Variants in IL1RAPL1 observed in about 807,000 individuals in gnomAD.
The protein encoded by IL1RAPL1 is interleukin-1 receptor accessory protein-like 1.
IL1RAPL1 carries 3 observed loss-of-function variants against 48.4 expected under a neutral mutation model. The observed-to-expected ratio is 0.06, with a 90% CI of 0.03 to 0.16. The LOEUF (loss-of-function observed/expected upper bound fraction) is 0.16. Ranked by LOEUF, IL1RAPL1 falls within the 10% of genes least tolerant of loss-of-function variation. The pLI, the probability that IL1RAPL1 is intolerant of heterozygous loss-of-function variation, is 1.00. For missense variants in IL1RAPL1, 349 were observed against 530.6 expected (o/e 0.66, Z 3.36); for synonymous variants, 185 against 187.7 (o/e 0.99, Z 0.12).
intron 6 of IL1RAPL1, among the ~76,000 whole-genome samples, chrX:29,699,378 G>A (rs767268299): frequency 3.7e-4 from 42 of 112,479 alleles, no homozygotes; most frequent in Middle Eastern, 4.6e-3. Flanking sequence ...AACACGTGTG[G>A]TTATAAGAAT....
At chrX:29,530,540 C>T (rs923234225) in intron 5 of IL1RAPL1, among the ~76,000 whole-genome samples, 1 of 111,933 alleles carries the variant, frequency 8.9e-6, no homozygotes, top group Non-Finnish European at 1.9e-5. Flanking sequence ...CCCCATCGGT[C>T]ATTGACTGAG....
At chrX:29,454,748 A>G (rs1934719346) in intron 5 of IL1RAPL1, among the ~76,000 whole-genome samples, 1 of 110,753 alleles carries the variant, frequency 9.0e-6, no homozygotes, top group African/African-American at 3.3e-5. Context: ...TACACCACCA[A>G]TGAGAGATGC....
intron 3 of IL1RAPL1, among the ~76,000 whole-genome samples, chrX:29,319,524 A>G (rs918630063): frequency 4.5e-5 from 3 of 66,025 alleles, no homozygotes; most frequent in African/African-American, 1.4e-4. Context: ...TTTTGTATGT[A>G]TGTATGTATG....
intron 2 of IL1RAPL1, among the ~76,000 whole-genome samples, chrX:28,887,253 G>T (rs1922657067): frequency 9.0e-6 from 1 of 111,359 alleles, no homozygotes; most frequent in Non-Finnish European, 1.9e-5. Context: ...TCCTCCTTCC[G>T]CCATGTGAGA....
intron 1 of IL1RAPL1, among the ~76,000 whole-genome samples, chrX:28,664,939 G>T (rs747670114): frequency 2.0e-5 from 1 of 49,064 alleles, no homozygotes; most frequent in African/African-American, 5.4e-5. Context: ...AATTGTTTTT[G>T]TTCATGTAGG....
chrX:29,033,833 A>G (rs2147411397), intron 2 of IL1RAPL1, among the ~76,000 whole-genome samples: 1 of 110,637 alleles, frequency 9.0e-6, no homozygotes, highest in African/African-American at 3.3e-5. Context: ...GTTTTGTGCA[A>G]AAGTTAGGTG....
chrX:29,137,336 C>A (rs998453188), intron 2 of IL1RAPL1, among the ~76,000 whole-genome samples: 2 of 111,253 alleles, frequency 1.8e-5, no homozygotes, highest in African/African-American at 6.5e-5. Flanking sequence ...TTCTCCTCTT[C>A]ACAGATATTG....
intron 2 of IL1RAPL1, among the ~76,000 whole-genome samples, chrX:29,020,512 T>C (rs1322704592): frequency 8.9e-6 from 1 of 112,265 alleles, no homozygotes; most frequent in African/African-American, 3.2e-5. Context: ...CCCTGTCGCA[T>C]TGTGTAAGTA....
intron 2 of IL1RAPL1, among the ~76,000 whole-genome samples, chrX:28,798,170 C>G (rs111394642): frequency 1.8e-5 from 2 of 111,161 alleles, no homozygotes; most frequent in Non-Finnish European, 3.8e-5. Context: ...GGTGGGGACA[C>G]AGCCAAACCA....
chrX:28,974,716 C>T (rs1282065576), intron 2 of IL1RAPL1, among the ~76,000 whole-genome samples: 1 of 111,851 alleles, frequency 8.9e-6, no homozygotes. Flanking sequence ...TTGATCTACG[C>T]CATTTGGCTC....
chrX:28,786,915 T>C (rs1161636655), intron 1 of IL1RAPL1, among the ~76,000 whole-genome samples: 1 of 112,192 alleles, frequency 8.9e-6, no homozygotes, highest in East Asian at 2.8e-4. Flanking sequence ...ATAGCAAAAC[T>C]TGGATGTCTA....
intron 5 of IL1RAPL1, among the ~76,000 whole-genome samples, chrX:29,613,730 T>C (rs1459140311): frequency 6.2e-5 from 6 of 96,377 alleles, no homozygotes; most frequent in African/African-American, 3.9e-5. Flanking sequence ...TGTGTGTGTG[T>C]GTGTGTGTGT....
intron 6 of IL1RAPL1, among the ~76,000 whole-genome samples, 174 bp from the exon 7 acceptor site, chrX:29,917,290 C>G: frequency 8.9e-6 from 1 of 112,328 alleles, no homozygotes; most frequent in East Asian, 2.8e-4. Context: ...GCCATGTTGT[C>G]GAAAGCACAC....
intron 3 of IL1RAPL1, among the ~76,000 whole-genome samples, chrX:29,342,928 G>A (rs1237468616): frequency 8.9e-6 from 1 of 111,827 alleles, no homozygotes; most frequent in Non-Finnish European, 1.9e-5. Flanking sequence ...TGTTAACAGC[G>A]AATGAAGCCG....
intron 1 of IL1RAPL1, among the ~76,000 whole-genome samples, chrX:28,666,736 A>G (rs192248191): frequency 1.8e-5 from 2 of 112,163 alleles, no homozygotes; most frequent in Admixed American, 9.5e-5. Flanking sequence ...AAAGCTTTCT[A>G]TCAAGTAGAT....
At chrX:29,622,016 G>A (rs1924476651) in intron 5 of IL1RAPL1, among the ~76,000 whole-genome samples, 2 of 112,041 alleles carry the variant, frequency 1.8e-5, no homozygotes, top group Admixed American at 1.9e-4. Flanking sequence ...TTCAATATTT[G>A]TCTTTCTGTG....
At chrX:28,625,450 C>T (rs186092226) in intron 1 of IL1RAPL1, among the ~76,000 whole-genome samples, 5 of 112,101 alleles carry the variant, frequency 4.5e-5, no homozygotes, top group Non-Finnish European at 9.4e-5. Flanking sequence ...AGGCCTCCTG[C>T]TCACAGAACT....
chrX:29,445,569 T>G (rs192235471), intron 5 of IL1RAPL1, among the ~76,000 whole-genome samples: 14 of 112,255 alleles, frequency 1.2e-4, no homozygotes, highest in African/African-American at 4.5e-4. Flanking sequence ...AATGTCCTTA[T>G]TTTTAAACAT....
chrX:29,772,374 T>G (rs189858123), intron 6 of IL1RAPL1, among the ~76,000 whole-genome samples: 1 of 111,487 alleles, frequency 9.0e-6, no homozygotes, highest in African/African-American at 3.3e-5. Context: ...AAAGGGAGTA[T>G]GTAATAATAT....
Sources: gnomAD v4.1 joint callset for allele counts (sites outside exome capture counted in the v4.1 genomes callset) on GRCh38, gnomAD v4.1.1 for gene constraint, MANE v1.5 for transcripts, NCBI Gene and HGNC (gene_info 2026-07-23, HGNC 2026-07-21) for gene names.